TTK: variants seen among roughly 807,000 people sequenced by gnomAD.
The protein encoded by TTK is TTK protein kinase, also known as dual specificity protein kinase TTK.
Under a neutral mutation model 117.3 loss-of-function variants are expected in TTK, and 59 were observed. That is an observed-to-expected ratio of 0.50 (90% CI 0.41 to 0.62). The LOEUF is 0.62. TTK is among the 20% of genes least tolerant of loss of function. The pLI, the probability that TTK is intolerant of heterozygous loss-of-function variation, is 0.00. For synonymous variants in TTK, 302 were observed against 325.0 expected (o/e 0.93, Z 0.76); for missense variants, 921 against 989.4 (o/e 0.93, Z 0.93).
chr6:80,012,066 A>G, intron 8 of TTK, 86 bp downstream of exon 8: 1 of 1,000,444 alleles, frequency 1.0e-6, no homozygotes, highest in Non-Finnish European at 1.4e-6. Context: ...ACTGAGTAAT[A>G]GTAATTATGA....
At chr6:80,007,356 A>G (rs1767020349) in intron 2 of TTK, among the ~76,000 whole-genome samples, 1 of 152,156 alleles carries the variant, frequency 6.6e-6, no homozygotes. Flanking sequence ...GTTGTAAAGA[A>G]GGTTATGTTA....
intron 2 of TTK, among the ~76,000 whole-genome samples, chr6:80,007,541 A>G (rs1436193846): frequency 6.6e-6 from 1 of 152,106 alleles, no homozygotes; most frequent in Non-Finnish European, 1.5e-5. Context: ...TTTAAAGGCT[A>G]CTTACAAAAA....
chr6:80,019,570 G>A (rs1582097128), intron 10 of TTK, among the ~76,000 whole-genome samples: 1 of 152,102 alleles, frequency 6.6e-6, no homozygotes, highest in South Asian at 2.1e-4. Context: ...AAACTGAAAT[G>A]TTATACAAAG....
chr6:80,041,698 ATC>A (rs1469924178), intron 21 of TTK, among the ~76,000 whole-genome samples: 1 of 150,934 alleles, frequency 6.6e-6, no homozygotes, highest in African/African-American at 2.4e-5. Flanking sequence ...TTTAATATAT[ATC>A]TAATTATTAT....
chr6:80,037,976 GTTAA>G lies in TTK; in HGVS notation c.2063_2066del (p.Asn688IlefsTer23). Reference sequence around the variant, plus strand: ...CTGACTTGGCATATAGGTTGGCACAGTTAATTATATGCCACCAGAAGCAATCAAA... The same window carrying G: ...CTGACTTGGCATATAGGTTGGCACAGTTATATGCCACCAGAAGCAATCAAA... On this transcript the variant is annotated frameshift_variant, in exon 18 of 22. Coordinates refer to ENST00000369798, the MANE Select transcript of TTK (RefSeq NM_003318.5). LOFTEE classifies it high-confidence loss of function. The G allele has an allele frequency of 6.2e-7, 1 of 1,607,486 alleles. No homozygotes were observed. Among genetic ancestry groups the G allele is most frequent in the Non-Finnish European group, 8.5e-7 (1 of 1,176,288 alleles).
Position 80,040,662 on chromosome 6 carries a change from G to C in TTK, c.2449G>C (p.Val817Leu). 1 of 1,611,894 alleles carries C rather than the reference G, an allele frequency of 6.2e-7. No homozygotes were observed. Among genetic ancestry groups the C allele is most frequent in the Non-Finnish European group, 8.5e-7 (1 of 1,178,560 alleles). Residue 817 changes from valine to leucine, a missense_variant, in exon 21 of 22, where the codon GTT becomes CTT. By Grantham distance (32) the Val-to-Leu change is conservative (BLOSUM62 1). Transcript: ENST00000369798. ...AATGAAATATGTTCTGGGCCAACTT[G>C]TTGGTCTGAATTCTCCTAACTCCAT... is the stretch of plus-strand genomic sequence containing the variant. Reference protein sequence around the residue: ...EEMKYVLGQLVGLNSPNSILK... With the variant: ...EEMKYVLGQLLGLNSPNSILK...
chr6:80,031,451 T>C lies in TTK; in HGVS notation c.1522-16T>C. The C allele has an allele frequency of 6.9e-7, 1 of 1,440,196 alleles. No individual in the cohort carries two copies. The highest frequency in any genetic ancestry group is 9.2e-7 in the Non-Finnish European group (1 of 1,087,524). 89.2% of individuals were successfully genotyped at this position (1,440,196 alleles called of 1,614,324 possible). On this transcript the variant is annotated splice_polypyrimidine_tract_variant and intron_variant, in intron 13 of 21. Coordinates refer to ENST00000369798, the MANE Select transcript of TTK (RefSeq NM_003318.5). ...GTATATTGATTAACTTTTATTTATATATTTTACTTATTTAGGTTTTAGCAT... is the reference window on the plus strand; with the variant it reads ...GTATATTGATTAACTTTTATTTATACATTTTACTTATTTAGGTTTTAGCAT...
chr6:80,035,499 G>A (rs1767879914), intron 16 of TTK, 82 bp downstream of exon 16: 2 of 1,360,102 alleles, frequency 1.5e-6, no homozygotes. Flanking sequence ...TATAATTTTA[G>A]GGCATTGGTT....
chr6:80,010,748 ATCTGGGTGG>A (rs1767119617), intron 4 of TTK, 57 bp from the exon 5 acceptor site: 11 of 1,479,894 alleles, frequency 7.4e-6, no homozygotes, highest in Non-Finnish European at 1.0e-5. Flanking sequence ...ATGAATACGT[ATCTGGGTGG>A]TCTGGGTGGT....
intron 10 of TTK, among the ~76,000 whole-genome samples, chr6:80,015,633 T>C (rs1213301791): frequency 6.6e-6 from 1 of 152,136 alleles, no homozygotes; most frequent in African/African-American, 2.4e-5. Flanking sequence ...GTGGAAAGTG[T>C]TTACATTTCA....
chr6:80,034,446 C>A (rs2127682048), intron 14 of TTK, among the ~76,000 whole-genome samples: 1 of 152,276 alleles, frequency 6.6e-6, no homozygotes, highest in East Asian at 1.9e-4. Flanking sequence ...GAGAAAACAA[C>A]ATCTGTGAAT....
At chr6:80,017,352 A>G (rs1414499575) in intron 10 of TTK, among the ~76,000 whole-genome samples, 1 of 152,168 alleles carries the variant, frequency 6.6e-6, no homozygotes, top group Non-Finnish European at 1.5e-5. Context: ...ATCACAGCTC[A>G]TTGCAACCTC....
At chr6:80,039,937 G>C in intron 19 of TTK, 65 bp downstream of exon 19, 1 of 1,283,132 alleles carries the variant, frequency 7.8e-7, no homozygotes, top group Admixed American at 2.7e-5. Flanking sequence ...TTGGAATTAT[G>C]TAACTGGCTT....
In TTK at chr6:80,035,026, A is replaced by G. The variant is rs1164311405; in HGVS notation, c.1656A>G (p.Ile552Met). The change falls in exon 15 of 22, where the codon ATA (isoleucine) becomes ATG (methionine). Residue 552 changes from isoleucine to methionine, a missense_variant. Transcript: ENST00000369798. ...VLNEKKQIYA[I>M]KYVNLEEADN... The stretch of plus-strand genomic sequence containing the variant: ...ATGAAAAGAAACAGATATATGCTAT[A>G]AAATATGTGAACTTAGAAGAAGCAG... 1.1e-5 allele frequency: 18 copies of G among 1,593,158 alleles called. No individual in the cohort carries two copies. Among genetic ancestry groups the G allele is most frequent in the Non-Finnish European group, 1.5e-5 (18 of 1,173,840 alleles).
chr6:80,020,874 G>A (rs1039129656), intron 10 of TTK, among the ~76,000 whole-genome samples: 1 of 152,216 alleles, frequency 6.6e-6, no homozygotes, highest in Non-Finnish European at 1.5e-5. Flanking sequence ...GCTAAACAGA[G>A]ACACAAATAC....
At chr6:80,024,750 A>C (rs1290284773) in intron 11 of TTK, among the ~76,000 whole-genome samples, 1 of 152,218 alleles carries the variant, frequency 6.6e-6, no homozygotes, top group Non-Finnish European at 1.5e-5. Context: ...GAAAAAGTAT[A>C]GAATCTAGGC....
In TTK at chr6:80,005,789, T is replaced by C. The variant is rs3757178; in HGVS notation, c.-2-53T>C. Reference sequence around the variant, plus strand: ...GGGTTCTAAAAAGCTAGTGCATTTTTTTCTTTGATGCTAGTTAAAGTAGGA... The same window carrying C: ...GGGTTCTAAAAAGCTAGTGCATTTTCTTCTTTGATGCTAGTTAAAGTAGGA... On this transcript the variant is annotated intron_variant, in intron 1 of 21. Coordinates refer to ENST00000369798, the MANE Select transcript of TTK (RefSeq NM_003318.5). 2.8e-5 allele frequency: 45 copies of C among 1,582,502 alleles called. No homozygotes were observed. The East Asian group carries it at 9.6e-4, about 34-fold the overall frequency.
chr6:80,036,445 T>G (rs1767908308), intron 16 of TTK, 30 bp from the exon 17 acceptor site: 1 of 1,579,916 alleles, frequency 6.3e-7, no homozygotes, highest in Non-Finnish European at 8.6e-7. Context: ...TTTGCATTGT[T>G]TAATATTACA....
chr6:80,004,683 C>G lies in TTK; in HGVS notation c.-33C>G, dbSNP rs1017560898. 1.4e-4 allele frequency: 21 copies of G among 152,274 alleles called. No homozygotes were observed. The highest frequency in any genetic ancestry group is 7.3e-5 in the Non-Finnish European group (5 of 68,092). The allele number at this position is 152,274 out of a possible 1,614,324, so 9.4% of individuals were successfully genotyped here. A position where few individuals can be genotyped will look rare whatever the true frequency, so the allele number is the denominator to read the frequency against. Reference sequence around the variant, plus strand: ...TTGCGGAAAGGAGTTTGGGTTCCATCTTTTCATTTCCCCAGCGCAGCTTTC... The same window carrying G: ...TTGCGGAAAGGAGTTTGGGTTCCATGTTTTCATTTCCCCAGCGCAGCTTTC... On this transcript the variant is annotated 5_prime_UTR_variant, in exon 1 of 22. The change creates a new upstream start codon in the 5' untranslated region. Transcript: ENST00000369798.
Sources: allele counts gnomAD v4.1 joint callset (sites outside exome capture counted in the v4.1 genomes callset), GRCh38; gene constraint gnomAD v4.1.1; transcripts MANE v1.5; gene names NCBI Gene and HGNC (gene_info 2026-07-23, HGNC 2026-07-21).